Variants in PPM1D observed in about 807,000 individuals in gnomAD.
PPM1D encodes the protein protein phosphatase 1D.
PPM1D carries 52 observed loss-of-function variants against 58.3 expected under a neutral mutation model. The ratio of observed to expected loss-of-function variants is 0.89; its 90% CI spans 0.71 to 1.12. PPM1D has a LOEUF of 1.12. Ranked by LOEUF, PPM1D falls within the 50% of genes most tolerant of loss-of-function variation. The pLI is 0.00. For synonymous variants in PPM1D, 278 were observed against 285.1 expected (o/e 0.98, Z 0.25); for missense variants, 564 against 777.2 (o/e 0.73, Z 3.26).
intron 4 of PPM1D, among the ~76,000 whole-genome samples, chr17:60,656,195 C>T (rs1272671806): frequency 6.6e-6 from 1 of 151,480 alleles, no homozygotes; most frequent in African/African-American, 2.4e-5. Context: ...GTGGCTCACA[C>T]CTGTAATCCC....
intron 5 of PPM1D, among the ~76,000 whole-genome samples, chr17:60,658,889 G>T (rs1330747927): frequency 6.6e-6 from 1 of 152,164 alleles, no homozygotes; most frequent in Non-Finnish European, 1.5e-5. Flanking sequence ...GAACCCGGGA[G>T]GTAGAGGTTG....
chr17:60,621,048 G>C (rs1389874202), intron 1 of PPM1D, among the ~76,000 whole-genome samples: 1 of 151,814 alleles, frequency 6.6e-6, no homozygotes, highest in Non-Finnish European at 1.5e-5. Flanking sequence ...TCAGCTGCCT[G>C]AGTAGCTGGG....
intron 5 of PPM1D, among the ~76,000 whole-genome samples, chr17:60,658,689 C>T (rs1406466349): frequency 5.3e-5 from 8 of 151,436 alleles, no homozygotes; most frequent in Non-Finnish European, 8.8e-5. Flanking sequence ...CTGGGCTGGG[C>T]GTGGTGGCTC....
chr17:60,650,175 C>CT (rs2031317287), intron 4 of PPM1D, among the ~76,000 whole-genome samples: 1 of 152,174 alleles, frequency 6.6e-6, no homozygotes, highest in Non-Finnish European at 1.5e-5. Context: ...GCATAGGAAG[C>CT]TTCATGGAAG....
chr17:60,629,295 T>A (rs999965225), intron 2 of PPM1D, among the ~76,000 whole-genome samples: 1 of 152,274 alleles, frequency 6.6e-6, no homozygotes, highest in South Asian at 2.1e-4. Flanking sequence ...AGTCATGTGC[T>A]ATTTATTACA....
chr17:60,636,088 A>G (rs1315544703), intron 3 of PPM1D, among the ~76,000 whole-genome samples: 1 of 152,202 alleles, frequency 6.6e-6, no homozygotes, highest in African/African-American at 2.4e-5. Context: ...CGGCCTCTGC[A>G]TAGGGTTGCT....
Position 60,615,018 on chromosome 17 carries a change from C to T in PPM1D, c.473-8503C>T, listed in dbSNP as rs535806499. Among the ~76,000 whole-genome samples the T allele has an allele frequency of 4.6e-5, 7 of 152,262 alleles. No individual in the cohort carries two copies. The South Asian group carries it at 1.2e-3, about 27-fold the overall frequency. On this transcript the variant is annotated intron_variant, in intron 1 of 5. Coordinates refer to ENST00000305921, the MANE Select transcript of PPM1D (RefSeq NM_003620.4). ...TAACCTTCAGTAAAACTATTTGCAC[C>T]AGGGTATCCTTACCTATAAAATAGA...
intron 4 of PPM1D, among the ~76,000 whole-genome samples, chr17:60,650,551 AAAC>A (rs145962010): frequency 7.3e-5 from 11 of 151,378 alleles, no homozygotes; most frequent in South Asian, 2.1e-4. Flanking sequence ...CTCCATCTCA[AAAC>A]AACAACAACA....
chr17:60,600,252 G>C lies in PPM1D; in HGVS notation c.-163G>C. ...CCGGCGCTCCGGCCCAGCTCTCGCGGACAAGTCCAGACATCGCGCGCCCCC... is the reference window on the plus strand; with the variant it reads ...CCGGCGCTCCGGCCCAGCTCTCGCGCACAAGTCCAGACATCGCGCGCCCCC... On this transcript the variant is annotated 5_prime_UTR_variant, in exon 1 of 6. Coordinates refer to ENST00000305921, the MANE Select transcript of PPM1D (RefSeq NM_003620.4). 7.4e-7 allele frequency: 1 copy of C among 1,354,488 alleles called. No homozygotes were observed. Among genetic ancestry groups the C allele is most frequent in the East Asian group, 2.6e-5 (1 of 37,830 alleles). 83.9% of individuals were successfully genotyped at this position (1,354,488 alleles called of 1,614,324 possible). A position where few individuals can be genotyped will look rare whatever the true frequency, so the allele number is the denominator to read the frequency against.
intron 3 of PPM1D, among the ~76,000 whole-genome samples, chr17:60,640,457 A>T (rs1567973071): frequency 6.6e-6 from 1 of 152,216 alleles, no homozygotes. Flanking sequence ...CATGTGGTTC[A>T]TTGATGTTAC....
rs2030175349 is a variant in PPM1D, at chr17:60,600,363, C to T, written c.-52C>T. On this transcript the variant is annotated 5_prime_UTR_variant, in exon 1 of 6. Coordinates refer to ENST00000305921, the MANE Select transcript of PPM1D (RefSeq NM_003620.4). The stretch of plus-strand genomic sequence containing the variant: ...CGGCGAGCGCCTAGTGTGTCTCCCG[C>T]CGCCGGATTCGGCGGGCTGCGTGGG... 4 of 1,536,490 alleles carry T rather than the reference C, an allele frequency of 2.6e-6. No individual in the cohort carries two copies. Among genetic ancestry groups the T allele is most frequent in the African/African-American group, 1.4e-5 (1 of 71,428 alleles).
Position 60,600,658 on chromosome 17 carries a change from G to A in PPM1D, c.244G>A (p.Ala82Thr). 6.5e-7 allele frequency: 1 copy of A among 1,549,628 alleles called. No individual in the cohort carries two copies. The highest frequency in any genetic ancestry group is 1.4e-5 in the African/African-American group (1 of 72,340). ...AREARDPLPD[A>T]GASPAPSRCC... ...AGAGGCTCGCGACCCTCTCCCGGACGCCGGGGCCTCGCCGGCACCTAGCCG... is the reference window on the plus strand; with the variant it reads ...AGAGGCTCGCGACCCTCTCCCGGACACCGGGGCCTCGCCGGCACCTAGCCG... Residue 82 changes from alanine (A) to threonine (T), a missense_variant, in exon 1 of 6, where the codon GCC (alanine) becomes ACC (threonine). Ala to Thr is a moderately conservative substitution (Grantham distance 58). Transcript: ENST00000305921.
At chr17:60,634,810 T>G (rs1249035655) in intron 3 of PPM1D, among the ~76,000 whole-genome samples, 1 of 152,156 alleles carries the variant, frequency 6.6e-6, no homozygotes, top group Non-Finnish European at 1.5e-5. Flanking sequence ...AGACAGGGTC[T>G]TGTTTTGTTA....
Position 60,633,856 on chromosome 17 carries a change from A to G in PPM1D, c.705A>G (p.Val235=). ...RERIEGLGGS[V]MNKSGVNRVV... is the part of the protein sequence containing the mutation. The stretch of plus-strand genomic sequence containing the variant: ...TATGTGAACTCTTTATTTTTAGTGT[A>G]ATGAACAAGTCTGGGGTGAATCGTG... Residue 235 remains valine (V), a synonymous_variant, in exon 3 of 6, where the codon GTA becomes GTG. Coordinates refer to ENST00000305921, the MANE Select transcript of PPM1D (RefSeq NM_003620.4). 1 of 1,611,208 alleles carries G rather than the reference A, an allele frequency of 6.2e-7. No homozygotes were observed. The highest frequency in any genetic ancestry group is 8.5e-7 in the Non-Finnish European group (1 of 1,178,148).
rs2143731905 is a variant in PPM1D, at chr17:60,663,134, C to T, written c.1400C>T (p.Pro467Leu). The change falls in exon 6 of 6, where the codon CCC (proline) becomes CTC (leucine). Residue 467 changes from proline to leucine, a missense_variant. Coordinates refer to ENST00000305921, the MANE Select transcript of PPM1D (RefSeq NM_003620.4). ...ARENVQGVVI[P>L]SKDPEPLEEN... is the part of the protein sequence containing the mutation. ...GAGAATGTCCAAGGTGTAGTCATACCCTCAAAAGATCCAGAACCACTTGAA... is the reference window on the plus strand; with the variant it reads ...GAGAATGTCCAAGGTGTAGTCATACTCTCAAAAGATCCAGAACCACTTGAA... The T allele has an allele frequency of 6.2e-7, 1 of 1,613,982 alleles. No individual in the cohort carries two copies. Among genetic ancestry groups the T allele is most frequent in the Non-Finnish European group, 8.5e-7 (1 of 1,179,952 alleles).
intron 1 of PPM1D, among the ~76,000 whole-genome samples, chr17:60,603,086 A>G (rs1754480041): frequency 1.3e-5 from 2 of 152,176 alleles, no homozygotes; most frequent in African/African-American, 4.8e-5. Context: ...CAACAAGGAA[A>G]ACTCAAACAA....
In PPM1D at chr17:60,663,313, GA is replaced by G. The variant is rs149385410; in HGVS notation, c.1582del (p.Arg528GlufsTer11). ...TGGCCAAATGAAAGCCCAAGAAATT[GA>G]AAGAACCCCTCCAACAAACTTTAAA... ...TPGQMKAQEIERTPPTNFKRT... is the reference protein window; with the variant it reads ...TPGQMKAQEIXRTPPTNFKRT... On this transcript the variant is annotated frameshift_variant, in exon 6 of 6. Transcript: ENST00000305921. LOFTEE classifies it high-confidence loss of function. The G allele has an allele frequency of 6.2e-7, 1 of 1,614,140 alleles. No individual in the cohort carries two copies. Among genetic ancestry groups the G allele is most frequent in the Non-Finnish European group, 8.5e-7 (1 of 1,180,022 alleles).
At chr17:60,645,751 A>G (rs935938523) in intron 3 of PPM1D, among the ~76,000 whole-genome samples, 3 of 150,410 alleles carry the variant, frequency 2.0e-5, no homozygotes, top group Non-Finnish European at 4.4e-5. Flanking sequence ...CTTACAGGGA[A>G]AACTGGAAGG....
intron 1 of PPM1D, among the ~76,000 whole-genome samples, chr17:60,605,719 A>T (rs1331171194): frequency 6.6e-6 from 1 of 152,194 alleles, no homozygotes; most frequent in South Asian, 2.1e-4. Flanking sequence ...CCTGGCCAAC[A>T]TGGTGAAACT....
Sources: allele counts gnomAD v4.1 joint callset (sites outside exome capture counted in the v4.1 genomes callset), GRCh38; gene constraint gnomAD v4.1.1; transcripts MANE v1.5; gene names NCBI Gene and HGNC (gene_info 2026-07-23, HGNC 2026-07-21).